Variants in ADGRL3 observed in about 807,000 individuals in gnomAD.
The protein encoded by ADGRL3 is calcium-independent alpha-latrotoxin receptor 3.
Under a neutral mutation model 153.5 loss-of-function variants are expected in ADGRL3, and 62 were observed. The observed-to-expected ratio is 0.40, with a 90% CI of 0.33 to 0.50. ADGRL3 has a LOEUF of 0.50. ADGRL3 is among the 20% of genes least tolerant of loss of function. ADGRL3 has a pLI of 0.47. For missense variants in ADGRL3, 1,641 were observed against 1,859.4 expected, an observed-to-expected ratio of 0.88 and a Z score of 2.16; for synonymous variants, 710 against 672.5, an observed-to-expected ratio of 1.06 and a Z score of -0.86.
intron 5 of ADGRL3, among the ~76,000 whole-genome samples, chr4:61,641,429 CT>C (rs1484876381): frequency 8.7e-6 from 1 of 114,408 alleles, no homozygotes; most frequent in African/African-American, 3.3e-5. Context: ...AATGCTATCC[CT>C]CCCCCCTCCC....
Position 62,050,276 on chromosome 4 carries a change from G to T in ADGRL3, c.3814+5727G>T, listed in dbSNP as rs148286189. Among the ~76,000 whole-genome samples, 182 of 152,156 alleles carry T rather than the reference G, an allele frequency of 1.2e-3. 3 individuals carry two copies. In the East Asian group the frequency reaches 0.032, roughly 27 times the overall value. ...TTTATAACCATGTTTTAGCATCAAA[G>T]AAATAAAGGTAATATATTTCTTCTC... On this transcript the variant is annotated intron_variant, in intron 25 of 26. Coordinates refer to ENST00000683033, the MANE Select transcript of ADGRL3 (RefSeq NM_001387552.1).
At chr4:61,432,580 TTC>T (rs1433647775) in intron 2 of ADGRL3, among the ~76,000 whole-genome samples, 2 of 2,122 alleles carry the variant, frequency 9.4e-4, no homozygotes, top group Non-Finnish European at 4.8e-3. Flanking sequence ...CTTCCTTTCT[TTC>T]TTTCTTTCTT....
intron 9 of ADGRL3, among the ~76,000 whole-genome samples, chr4:61,855,715 GA>G (rs888452855): frequency 6.7e-5 from 10 of 148,766 alleles, no homozygotes; most frequent in South Asian, 4.2e-4. Context: ...TATTAATGAA[GA>G]AAAAAAAATA....
At chr4:61,262,335 A>G (rs2092582241) in intron 1 of ADGRL3, among the ~76,000 whole-genome samples, 1 of 152,150 alleles carries the variant, frequency 6.6e-6, no homozygotes, top group Non-Finnish European at 1.5e-5. Flanking sequence ...TAGAAAATAA[A>G]ATCAGTTTGG....
chr4:61,607,378 T>C (rs1428075254), intron 5 of ADGRL3, among the ~76,000 whole-genome samples: 1 of 151,892 alleles, frequency 6.6e-6, no homozygotes, highest in Non-Finnish European at 1.5e-5. Flanking sequence ...GTGGGCGGAT[T>C]ACGAGGTCAG....
intron 11 of ADGRL3, among the ~76,000 whole-genome samples, chr4:61,899,247 C>T (rs1437433903): frequency 6.6e-6 from 1 of 152,124 alleles, no homozygotes; most frequent in Non-Finnish European, 1.5e-5. Flanking sequence ...CCATCTCCTT[C>T]TCTTTCCTTT....
At chr4:61,382,390 C>G (rs2151910212) in intron 1 of ADGRL3, among the ~76,000 whole-genome samples, 1 of 151,392 alleles carries the variant, frequency 6.6e-6, no homozygotes, top group South Asian at 2.1e-4. Flanking sequence ...TTGATATGGC[C>G]AGTTGCAAAA....
chr4:61,265,622 G>C (rs560487570), intron 1 of ADGRL3, among the ~76,000 whole-genome samples: 1 of 151,976 alleles, frequency 6.6e-6, no homozygotes, highest in Non-Finnish European at 1.5e-5. Flanking sequence ...GGAGAAAAAA[G>C]TGAGATAATT....
chr4:61,222,880 A>G (rs1336433389), intron 1 of ADGRL3, among the ~76,000 whole-genome samples: 4 of 152,168 alleles, frequency 2.6e-5, no homozygotes, highest in African/African-American at 9.6e-5. Context: ...GAGAGGTCCG[A>G]TATTATGGTT....
At chr4:61,754,449 A>C (rs1288288134) in intron 8 of ADGRL3, among the ~76,000 whole-genome samples, 1 of 152,026 alleles carries the variant, frequency 6.6e-6, no homozygotes, top group African/African-American at 2.4e-5. Context: ...TTGAAAAACA[A>C]AATATTAAAG....
intron 5 of ADGRL3, among the ~76,000 whole-genome samples, chr4:61,620,476 T>G (rs2092420985): frequency 6.6e-6 from 1 of 152,044 alleles, no homozygotes. Flanking sequence ...AAAGCTACTT[T>G]GTAAGTCAGA....
chr4:61,588,848 T>TTTTA (rs1435000633), intron 5 of ADGRL3, among the ~76,000 whole-genome samples: 3 of 152,130 alleles, frequency 2.0e-5, no homozygotes, highest in African/African-American at 7.2e-5. Context: ...AAACTGATAT[T>TTTTA]TTTATTTGTT....
rs1204564787 is a variant in ADGRL3 at position 61,909,506 on chromosome 4, A to G, written c.1888-54A>G. 6.6e-6 allele frequency: 8 copies of G among 1,217,486 alleles called. No homozygotes were observed. The African/African-American group carries it at 1.1e-4, about 16-fold the overall frequency. The allele number at this position is 1,217,486 out of a possible 1,614,324, so 75.4% of individuals were successfully genotyped here. A position where few individuals can be genotyped will look rare whatever the true frequency, so the allele number is the denominator to read the frequency against. On this transcript the variant is annotated intron_variant, in intron 11 of 26. Coordinates refer to ENST00000683033, the MANE Select transcript of ADGRL3 (RefSeq NM_001387552.1). ...CAAACATGATCGTTGAAAGAAAGCA[A>G]TAAAAGTATTTATGTGAGATCTCTT...
chr4:61,564,240 G>T (rs567699664), intron 4 of ADGRL3, among the ~76,000 whole-genome samples: 2 of 151,994 alleles, frequency 1.3e-5, no homozygotes, highest in South Asian at 4.2e-4. Context: ...TTTCGTTTTG[G>T]GGGGCTTTGT....
chr4:61,960,006 C>G (rs2098981836), intron 17 of ADGRL3, among the ~76,000 whole-genome samples: 1 of 152,070 alleles, frequency 6.6e-6, no homozygotes, highest in African/African-American at 2.4e-5. Context: ...AACTACATAA[C>G]TTGCATGTTG....
chr4:61,262,304 T>C (rs1191171109), intron 1 of ADGRL3, among the ~76,000 whole-genome samples: 1 of 152,172 alleles, frequency 6.6e-6, no homozygotes, highest in Non-Finnish European at 1.5e-5. Context: ...GAGTGTCTGA[T>C]CATAGTAACC....
intron 2 of ADGRL3, among the ~76,000 whole-genome samples, chr4:61,411,736 G>C (rs2097090435): frequency 6.6e-6 from 1 of 151,978 alleles, no homozygotes; most frequent in East Asian, 1.9e-4. Context: ...TAAATTTCAT[G>C]CACATGTTAG....
At chr4:61,684,617 G>A (rs66614141) in intron 6 of ADGRL3, among the ~76,000 whole-genome samples, 49,124 of 151,858 alleles carry the variant, frequency 0.32, 9,051 homozygotes, top group Middle Eastern at 0.45. Flanking sequence ...GATTCAGCCT[G>A]CCGAGGGGTT....
intron 10 of ADGRL3, 123 bp downstream of exon 10, chr4:61,893,081 G>C (rs1407513801): frequency 1.2e-5 from 5 of 428,730 alleles, no homozygotes; most frequent in East Asian, 3.6e-5. Context: ...CTCCCTCCTT[G>C]TCTCTTTCTT....
Sources: gnomAD v4.1 joint callset for allele counts (sites outside exome capture counted in the v4.1 genomes callset) on GRCh38, gnomAD v4.1.1 for gene constraint, MANE v1.5 for transcripts, NCBI Gene and HGNC (gene_info 2026-07-23, HGNC 2026-07-21) for gene names.